Variants in SRBD1 observed in about 807,000 individuals in gnomAD.
The protein encoded by SRBD1 is S1 RNA-binding domain-containing protein 1.
In SRBD1, 88 loss-of-function variants were observed where a neutral mutation model predicts 115.3. The observed-to-expected ratio is 0.76, with a 90% CI of 0.64 to 0.91. The LOEUF (loss-of-function observed/expected upper bound fraction) is 0.91. SRBD1 is among the 40% of genes least tolerant of loss of function. The pLI is 0.00. For synonymous variants in SRBD1, 509 were observed against 407.7 expected (o/e 1.25, Z -2.99); for missense variants, 1,385 against 1,177.4 (o/e 1.18, Z -2.58).
intron 4 of SRBD1, among the ~76,000 whole-genome samples, chr2:45,586,120 G>A (rs1425417277): frequency 6.6e-6 from 1 of 152,128 alleles, no homozygotes; most frequent in East Asian, 1.9e-4. Context: ...TGAGAGCAAA[G>A]GAAAGCCATT....
At chr2:45,489,516 T>C (rs1267641691) in intron 14 of SRBD1, among the ~76,000 whole-genome samples, 1 of 151,656 alleles carries the variant, frequency 6.6e-6, no homozygotes, top group Non-Finnish European at 1.5e-5. Context: ...AACTTCTCTT[T>C]CTGCAACCAA....
chr2:45,526,204 T>C (rs759520481), intron 14 of SRBD1, among the ~76,000 whole-genome samples: 2 of 152,048 alleles, frequency 1.3e-5, no homozygotes, highest in Non-Finnish European at 2.9e-5. Context: ...AATAACTCAA[T>C]GTCAATCGAC....
At chr2:45,558,280 C>G (rs979482198) in intron 10 of SRBD1, among the ~76,000 whole-genome samples, 1 of 152,106 alleles carries the variant, frequency 6.6e-6, no homozygotes, top group Non-Finnish European at 1.5e-5. Flanking sequence ...GCCTGAGCAA[C>G]ATAGTGAGAT....
intron 5 of SRBD1, among the ~76,000 whole-genome samples, chr2:45,583,669 T>C (rs146519196): frequency 1.0e-3 from 155 of 152,296 alleles, no homozygotes; most frequent in African/African-American, 3.4e-3. Flanking sequence ...TTACTTCTCA[T>C]GTAGGGGTAG....
At chr2:45,580,787 G>C (rs1174152520) in intron 6 of SRBD1, among the ~76,000 whole-genome samples, 1 of 140,302 alleles carries the variant, frequency 7.1e-6, no homozygotes, top group Non-Finnish European at 1.5e-5. Flanking sequence ...CCGGGTTCAA[G>C]CAATTCTCCG....
At chr2:45,520,048 T>C (rs1339933564) in intron 14 of SRBD1, among the ~76,000 whole-genome samples, 1 of 152,156 alleles carries the variant, frequency 6.6e-6, no homozygotes, top group African/African-American at 2.4e-5. Context: ...AAAAAATACA[T>C]TTAAAGCAAG....
intron 14 of SRBD1, among the ~76,000 whole-genome samples, chr2:45,497,303 C>T (rs1280552448): frequency 6.6e-6 from 1 of 152,210 alleles, no homozygotes; most frequent in Non-Finnish European, 1.5e-5. Flanking sequence ...TTTATTTTTA[C>T]TGTCATTGCC....
intron 3 of SRBD1, 64 bp downstream of exon 3, chr2:45,601,839 A>G (rs1674101317): frequency 1.3e-6 from 2 of 1,577,002 alleles, no homozygotes; most frequent in Admixed American, 3.6e-5. Flanking sequence ...CTGTAGAATA[A>G]GAAAATAACA....
At chr2:45,449,955 T>TC (rs1668943316) in intron 16 of SRBD1, among the ~76,000 whole-genome samples, 1 of 152,138 alleles carries the variant, frequency 6.6e-6, no homozygotes, top group Non-Finnish European at 1.5e-5. Flanking sequence ...CACAGCCCTC[T>TC]CTCTTAAGGC....
intron 16 of SRBD1, among the ~76,000 whole-genome samples, chr2:45,473,887 A>G (rs562059318): frequency 5.3e-4 from 80 of 152,300 alleles, no homozygotes; most frequent in Admixed American, 8.5e-4. Context: ...TTATAACTCC[A>G]TACTATTTCA....
Position 45,392,866 on chromosome 2 carries a change from T to C in SRBD1, c.2698+79A>G, listed in dbSNP as rs916265667. On this transcript the variant is annotated intron_variant, in intron 20 of 20. Coordinates refer to ENST00000263736, the MANE Select transcript of SRBD1 (RefSeq NM_018079.5). ...AATAATATCCATTCTGCTTATGGCA[T>C]AGGATTGCTGTGAGGATCAAAGGAG... 8 of 1,298,646 alleles carry C rather than the reference T, an allele frequency of 6.2e-6. No individual in the cohort carries two copies. The Admixed American group carries it at 7.2e-5, about 12-fold the overall frequency. 80.4% of individuals were successfully genotyped at this position (1,298,646 alleles called of 1,614,324 possible). A position where few individuals can be genotyped will look rare whatever the true frequency, so the allele number is the denominator to read the frequency against.
At chr2:45,393,599 C>T (rs1667065842) in intron 19 of SRBD1, among the ~76,000 whole-genome samples, 1 of 152,190 alleles carries the variant, frequency 6.6e-6, no homozygotes, top group Admixed American at 6.5e-5. Context: ...CCAGGATGGT[C>T]TCGATCTCCT....
At chr2:45,544,518 A>G (rs1393578183) in intron 14 of SRBD1, among the ~76,000 whole-genome samples, 2 of 152,030 alleles carry the variant, frequency 1.3e-5, no homozygotes, top group South Asian at 2.1e-4. Context: ...ACTTCATACC[A>G]CAGCACCTAT....
In SRBD1 at chr2:45,590,849, T is replaced by C. The variant is rs375620077; in HGVS notation, c.649-5075A>G. On this transcript the variant is annotated intron_variant, in intron 4 of 20. Transcript: ENST00000263736. The stretch of plus-strand genomic sequence containing the variant: ...CTGATCAATATGATGAAACTCCGTC[T>C]CTACTAAAAATACAAAAATTAGCTG... 1.6e-3 allele frequency among the ~76,000 whole-genome samples: 237 copies of C among 152,200 alleles called. 2 individuals carry two copies. Among genetic ancestry groups the C allele is most frequent in the African/African-American group, 5.4e-3 (224 of 41,522 alleles).
intron 1 of SRBD1, among the ~76,000 whole-genome samples, chr2:45,609,160 CAT>C (rs1457013100): frequency 3.3e-5 from 5 of 152,182 alleles, no homozygotes; most frequent in Non-Finnish European, 7.3e-5. Context: ...ATACACTGCA[CAT>C]GTTTAAAGTG....
rs1246919221 is a variant in SRBD1 at position 45,605,554 on chromosome 2, A to G, written c.1-113T>C. The G allele has an allele frequency of 2.4e-5, 23 of 968,072 alleles. 1 individual carries two copies. In the East Asian group the frequency reaches 5.2e-4, roughly 22 times the overall value. 60.0% of individuals were successfully genotyped at this position (968,072 alleles called of 1,614,324 possible). On this transcript the variant is annotated intron_variant, in intron 1 of 20. Transcript: ENST00000263736. ...ATTTCATAGGAAAAAAACAAAAACA[A>G]TGATGTTTATTCACAAGCCCAAACA... is the stretch of plus-strand genomic sequence containing the variant.
Position 45,447,823 on chromosome 2 carries a change from T to C in SRBD1, c.2050-27929A>G, listed in dbSNP as rs535469992. On this transcript the variant is annotated intron_variant, in intron 16 of 20. Coordinates refer to ENST00000263736, the MANE Select transcript of SRBD1 (RefSeq NM_018079.5). ...CAGAATTACACATTTTAAGCTAATATAATTTTATATAAGTGTACCATTCCT... is the reference window on the plus strand; with the variant it reads ...CAGAATTACACATTTTAAGCTAATACAATTTTATATAAGTGTACCATTCCT... 4.6e-5 allele frequency: 7 copies of C among 152,320 alleles called. No individual in the cohort carries two copies. The South Asian group carries it at 1.5e-3, about 32-fold the overall frequency. 9.4% of individuals were successfully genotyped at this position (152,320 alleles called of 1,614,324 possible).
At chr2:45,581,648 C>G in intron 6 of SRBD1, 45 bp downstream of exon 6, 1 of 1,446,986 alleles carries the variant, frequency 6.9e-7, no homozygotes, top group Non-Finnish European at 9.5e-7. Flanking sequence ...ACCCAAATTG[C>G]AATATATTCA....
intron 19 of SRBD1, among the ~76,000 whole-genome samples, chr2:45,411,811 C>T (rs966040022): frequency 3.3e-5 from 5 of 152,114 alleles, no homozygotes; most frequent in Non-Finnish European, 4.4e-5. Flanking sequence ...CTTTGGAATG[C>T]ATCAAAAACA....
Sources: gnomAD v4.1 joint callset for allele counts (sites outside exome capture counted in the v4.1 genomes callset) on GRCh38, gnomAD v4.1.1 for gene constraint, MANE v1.5 for transcripts, NCBI Gene and HGNC (gene_info 2026-07-23, HGNC 2026-07-21) for gene names.